Variants in HDAC9 observed in about 807,000 individuals in gnomAD.
The protein encoded by HDAC9 is MEF-2 interacting transcription repressor (MITR) protein.
A neutral mutation model predicts 139.4 loss-of-function variants in HDAC9; 41 were observed. That is an observed-to-expected ratio of 0.29 (90% CI 0.23 to 0.38). HDAC9 has a LOEUF of 0.38. Among genes scored for constraint, HDAC9 ranks in the 10% least tolerant of loss-of-function variants. The pLI, the probability that HDAC9 is intolerant of heterozygous loss-of-function variation, is 1.00. For missense variants in HDAC9, 1,147 were observed against 1,297.0 expected (o/e 0.88, Z 1.78); for synonymous variants, 517 against 476.2 (o/e 1.09, Z -1.12).
intron 17 of HDAC9, among the ~76,000 whole-genome samples, chr7:18,826,320 G>C (rs568992777): frequency 6.6e-6 from 1 of 152,240 alleles, no homozygotes; most frequent in South Asian, 2.1e-4. Flanking sequence ...GTATGAGAGA[G>C]GAAACAGCTA....
intron 24 of HDAC9, among the ~76,000 whole-genome samples, chr7:18,957,832 T>A (rs1783262769): frequency 1.3e-5 from 2 of 152,172 alleles, no homozygotes; most frequent in Admixed American, 1.3e-4. Context: ...TCAGCCCACC[T>A]TCTAGCCCAG....
chr7:18,937,198 C>G (rs1781703315), intron 23 of HDAC9, among the ~76,000 whole-genome samples: 1 of 151,904 alleles, frequency 6.6e-6, no homozygotes, highest in Non-Finnish European at 1.5e-5. Flanking sequence ...CACCATCACG[C>G]CCAGCTAATT....
At chr7:18,156,440 A>G (rs1787208732) in intron 1 of HDAC9, among the ~76,000 whole-genome samples, 2 of 152,180 alleles carry the variant, frequency 1.3e-5, no homozygotes, top group Admixed American at 1.3e-4. Flanking sequence ...CTCTGATCCA[A>G]ATCCAAGGAC....
intron 13 of HDAC9, among the ~76,000 whole-genome samples, chr7:18,741,697 C>G (rs773462460): frequency 6.6e-6 from 1 of 152,178 alleles, no homozygotes; most frequent in Non-Finnish European, 1.5e-5. Flanking sequence ...CTTCCATAGA[C>G]AGTGATTCCC....
At chr7:18,790,425 GAT>G (rs1792198333) in intron 16 of HDAC9, among the ~76,000 whole-genome samples, 2 of 151,726 alleles carry the variant, frequency 1.3e-5, no homozygotes, top group South Asian at 2.1e-4. Context: ...GGATGTAGCA[GAT>G]GTGGCCATCT....
intron 22 of HDAC9, among the ~76,000 whole-genome samples, chr7:18,875,976 C>T (rs965308569): frequency 3.9e-5 from 6 of 152,104 alleles, no homozygotes; most frequent in African/African-American, 1.4e-4. Flanking sequence ...GAATCTCACT[C>T]AGAAGAGAGG....
chr7:18,973,782 C>G (rs1254221504), intron 24 of HDAC9, among the ~76,000 whole-genome samples: 2 of 152,192 alleles, frequency 1.3e-5, no homozygotes, highest in African/African-American at 4.8e-5. Context: ...CGTTTCGATT[C>G]TGTTACTTCG....
chr7:18,384,552 T>G (rs568660604), intron 1 of HDAC9, among the ~76,000 whole-genome samples: 33 of 152,324 alleles, frequency 2.2e-4, no homozygotes, highest in African/African-American at 6.7e-4. Context: ...AGCTTATTTT[T>G]GAATTCCCTT....
intron 8 of HDAC9, among the ~76,000 whole-genome samples, chr7:18,639,071 C>G (rs1488457162): frequency 2.0e-5 from 3 of 152,022 alleles, no homozygotes; most frequent in Non-Finnish European, 4.4e-5. Context: ...GCTGTCTCTG[C>G]TATGCTATTT....
At chr7:18,555,746 T>C (rs1818607844) in intron 2 of HDAC9, among the ~76,000 whole-genome samples, 1 of 152,092 alleles carries the variant, frequency 6.6e-6, no homozygotes, top group African/African-American at 2.4e-5. Flanking sequence ...AACGATATTT[T>C]TAAAAAACAA....
At chr7:18,287,981 T>TG (rs1797565228), upstream of HDAC9, among the ~76,000 whole-genome samples, 1 of 152,210 alleles carries the variant, frequency 6.6e-6, no homozygotes, top group Non-Finnish European at 1.5e-5. Flanking sequence ...CAAAACTGGT[T>TG]GCACATATAA....
At chr7:18,123,464 A>T (rs1365320372) in intron 1 of HDAC9, among the ~76,000 whole-genome samples, 1 of 152,224 alleles carries the variant, frequency 6.6e-6, no homozygotes, top group African/African-American at 2.4e-5. Flanking sequence ...ACAAAAGCCT[A>T]TTTAAACCAT....
At chr7:18,256,120 T>C (rs1354599738) in intron 2 of HDAC9, among the ~76,000 whole-genome samples, 1 of 152,178 alleles carries the variant, frequency 6.6e-6, no homozygotes, top group Non-Finnish European at 1.5e-5. Flanking sequence ...CCCCCGTTTT[T>C]AGGTTTCCAC....
intron 2 of HDAC9, among the ~76,000 whole-genome samples, chr7:18,546,999 T>A (rs896148822): frequency 3.3e-5 from 5 of 152,266 alleles, no homozygotes; most frequent in Non-Finnish European, 7.3e-5. Context: ...CTGGCTGACT[T>A]ACCTTATTCA....
chr7:18,886,771 A>G (rs188264889), intron 22 of HDAC9, among the ~76,000 whole-genome samples: 1 of 152,320 alleles, frequency 6.6e-6, no homozygotes, highest in African/African-American at 2.4e-5. Context: ...AAAATGAACA[A>G]AAAATATTGC....
At chr7:18,604,217 T>C (rs752721348) in intron 6 of HDAC9, among the ~76,000 whole-genome samples, 13 of 152,132 alleles carry the variant, frequency 8.5e-5, no homozygotes, top group Admixed American at 3.3e-4. Flanking sequence ...CTTTCTCTCT[T>C]TCTTGTTATT....
At chr7:18,300,800 A>G (rs556117819) in intron 1 of HDAC9, among the ~76,000 whole-genome samples, 1 of 152,294 alleles carries the variant, frequency 6.6e-6, no homozygotes, top group South Asian at 2.1e-4. Context: ...ATTCTAGAAG[A>G]CAAAGATGAT....
intron 23 of HDAC9, among the ~76,000 whole-genome samples, chr7:18,944,257 T>G (rs1160126961): frequency 6.6e-6 from 1 of 152,192 alleles, no homozygotes; most frequent in Admixed American, 6.5e-5. Context: ...ATTATCATAT[T>G]CTTCCAACGT....
chr7:18,909,420 C>A (rs1266855732), intron 22 of HDAC9, among the ~76,000 whole-genome samples: 1 of 151,610 alleles, frequency 6.6e-6, no homozygotes, highest in African/African-American at 2.4e-5. Flanking sequence ...TTTATTTTTG[C>A]TTTTGTTGCC....
Sources: allele counts gnomAD v4.1 joint callset (sites outside exome capture counted in the v4.1 genomes callset), GRCh38; gene constraint gnomAD v4.1.1; transcripts MANE v1.5; gene names NCBI Gene and HGNC (gene_info 2026-07-23, HGNC 2026-07-21).